Variants in BACH2 observed in about 807,000 individuals in gnomAD.
BACH2 encodes the protein transcription regulator protein BACH2.
BACH2 carries 5 observed loss-of-function variants against 61.8 expected under a neutral mutation model. The ratio of observed to expected loss-of-function variants is 0.08; its 90% confidence interval spans 0.04 to 0.17. The LOEUF is 0.17. Among genes scored for constraint, BACH2 ranks in the 10% least tolerant of loss-of-function variants. The probability of loss-of-function intolerance (pLI) is 1.00; values close to 1 mark genes in which losing one functional copy is unlikely to be tolerated. For missense variants in BACH2, 824 were observed against 1,091.1 expected, an observed-to-expected ratio of 0.76 and a Z score of 3.45; for synonymous variants, 446 against 440.1, an observed-to-expected ratio of 1.01 and a Z score of -0.17.
At chr6:90,111,017 TGA>T (rs1783144308) in intron 4 of BACH2, among the ~76,000 whole-genome samples, 1 of 152,222 alleles carries the variant, frequency 6.6e-6, no homozygotes, top group Non-Finnish European at 1.5e-5. Flanking sequence ...CATGTGCTGG[TGA>T]AGAACTAGCA....
In BACH2 at chr6:89,929,175, A is replaced by T. The variant is rs1224660711; in HGVS notation, c.*3233T>A. The T allele has an allele frequency of 6.6e-6, 1 of 152,408 alleles. No homozygotes were observed. Among genetic ancestry groups the T allele is most frequent in the Admixed American group, 6.5e-5 (1 of 15,280 alleles). 9.4% of individuals were successfully genotyped at this position (152,408 alleles called of 1,614,324 possible). Reference sequence around the variant, plus strand: ...TGGAGACCCAAGCAGGCATCCTCCTAAACAGCCCGTGGTTGGAGGGTCTCT... The same window carrying T: ...TGGAGACCCAAGCAGGCATCCTCCTTAACAGCCCGTGGTTGGAGGGTCTCT... On this transcript the variant is annotated 3_prime_UTR_variant, in exon 9 of 9. Transcript: ENST00000257749.
At chr6:89,985,963 G>A (rs1423738634) in intron 6 of BACH2, among the ~76,000 whole-genome samples, 2 of 152,242 alleles carry the variant, frequency 1.3e-5, no homozygotes, top group African/African-American at 4.8e-5. Context: ...TGTGGGGCTG[G>A]AGGGATGCGG....
chr6:89,992,760 C>T (rs1776647847), intron 6 of BACH2, among the ~76,000 whole-genome samples: 2 of 152,206 alleles, frequency 1.3e-5, no homozygotes, highest in Admixed American at 6.5e-5. Flanking sequence ...GATTGTGTGG[C>T]TGTATGTGGA....
chr6:89,971,990 G>A (rs1021237626), intron 6 of BACH2, among the ~76,000 whole-genome samples: 1 of 152,222 alleles, frequency 6.6e-6, no homozygotes, highest in Non-Finnish European at 1.5e-5. Context: ...GGTGACAAAT[G>A]AGCTGCAGCC....
chr6:89,962,704 C>T (rs1001904412), intron 6 of BACH2, among the ~76,000 whole-genome samples: 3 of 152,126 alleles, frequency 2.0e-5, no homozygotes, highest in African/African-American at 7.2e-5. Flanking sequence ...ATAATTTCTA[C>T]CTTTTTCTTG....
intron 5 of BACH2, among the ~76,000 whole-genome samples, chr6:90,063,516 G>C (rs1780793872): frequency 1.3e-5 from 2 of 152,086 alleles, no homozygotes; most frequent in African/African-American, 4.8e-5. Flanking sequence ...GAAAGAAAAA[G>C]GTGCACACTG....
chr6:90,166,172 T>A (rs1304620812), intron 4 of BACH2, among the ~76,000 whole-genome samples: 1 of 152,174 alleles, frequency 6.6e-6, no homozygotes, highest in Non-Finnish European at 1.5e-5. Context: ...GACAAAGGGC[T>A]AATATCCAGA....
Position 89,996,748 on chromosome 6 carries a change from C to T in BACH2, c.243+11854G>A, listed in dbSNP as rs139679688. 7.5e-4 allele frequency among the ~76,000 whole-genome samples: 114 copies of T among 152,272 alleles called. 1 individual carries two copies. Among genetic ancestry groups the T allele is most frequent in the African/African-American group, 2.7e-3 (111 of 41,558 alleles). On this transcript the variant is annotated intron_variant, in intron 6 of 8. Coordinates refer to ENST00000257749, the MANE Select transcript of BACH2 (RefSeq NM_021813.4). ...GTCCTTCCCTCCACCTGAACCTCTGCAGCACAAACAACTGCCAGTACCCTG... is the reference window on the plus strand; with the variant it reads ...GTCCTTCCCTCCACCTGAACCTCTGTAGCACAAACAACTGCCAGTACCCTG...
At chr6:90,145,544 T>G (rs948566652) in intron 4 of BACH2, among the ~76,000 whole-genome samples, 2 of 152,198 alleles carry the variant, frequency 1.3e-5, no homozygotes, top group Non-Finnish European at 2.9e-5. Flanking sequence ...GAGTTTAAAA[T>G]AGGATCAAAG....
At chr6:89,990,495 T>A (rs563289559) in intron 6 of BACH2, among the ~76,000 whole-genome samples, 1 of 152,218 alleles carries the variant, frequency 6.6e-6, no homozygotes, top group Admixed American at 6.5e-5. Flanking sequence ...TTTCTGCTTC[T>A]TCAGGCCAAA....
chr6:90,262,052 C>T lies in BACH2; in HGVS notation c.-352-9462G>A, dbSNP rs1771176681. Among the ~76,000 whole-genome samples, 5 of 152,186 alleles carry T rather than the reference C, an allele frequency of 3.3e-5. No homozygotes were observed. In the South Asian group the frequency reaches 1.0e-3, roughly 32 times the overall value. ...CACAAATTTCATCATGAAACCTCTG[C>T]ATTGAGATTCCTGAAGTTGTTCCCC... On this transcript the variant is annotated intron_variant, in intron 2 of 8. Coordinates refer to ENST00000257749, the MANE Select transcript of BACH2 (RefSeq NM_021813.4).
At chr6:90,199,169 T>C (rs1177144100) in intron 4 of BACH2, among the ~76,000 whole-genome samples, 2 of 152,208 alleles carry the variant, frequency 1.3e-5, no homozygotes, top group Admixed American at 1.3e-4. Flanking sequence ...GACTGCTTCT[T>C]GGAGAAGTAG....
intron 5 of BACH2, among the ~76,000 whole-genome samples, chr6:90,020,229 C>T (rs1183632791): frequency 2.0e-5 from 3 of 152,190 alleles, no homozygotes; most frequent in Non-Finnish European, 2.9e-5. Flanking sequence ...CAGCCCTTCT[C>T]AACCTCCAAT....
intron 4 of BACH2, among the ~76,000 whole-genome samples, chr6:90,133,915 C>T (rs372252373): frequency 6.6e-6 from 1 of 152,280 alleles, no homozygotes; most frequent in African/African-American, 2.4e-5. Flanking sequence ...TGTATATGTG[C>T]CACGTTTTCT....
At chr6:90,066,752 ATACATAAGGTCAAGGCCACCACTATAC>A (rs1171023852) in intron 5 of BACH2, among the ~76,000 whole-genome samples, 1 of 152,238 alleles carries the variant, frequency 6.6e-6, no homozygotes, top group Non-Finnish European at 1.5e-5. Context: ...TGGAACCAAG[ATACATAAGGTCAAGGCCACCACTATAC>A]TCATGGAGAA....
chr6:90,259,857 T>C (rs777110762), intron 2 of BACH2, among the ~76,000 whole-genome samples: 3 of 152,172 alleles, frequency 2.0e-5, no homozygotes, highest in Non-Finnish European at 4.4e-5. Flanking sequence ...TGGCATATAA[T>C]TGTTCGTAAT....
In BACH2 at chr6:90,060,731, T is replaced by C. The variant is rs976687309; in HGVS notation, c.-13+28230A>G. On this transcript the variant is annotated intron_variant, in intron 5 of 8. Transcript: ENST00000257749. ...TTTGAAAGCTCAAGATCCCAATCTGTGAAAAAAAACTAGAAGCCTAAATTA... is the reference window on the plus strand; with the variant it reads ...TTTGAAAGCTCAAGATCCCAATCTGCGAAAAAAAACTAGAAGCCTAAATTA... Among the ~76,000 whole-genome samples the C allele has an allele frequency of 5.3e-5, 8 of 152,092 alleles. 2 individuals are homozygous for C. The highest frequency in any genetic ancestry group is 5.2e-4 in the Admixed American group (8 of 15,272).
At chr6:90,044,055 A>G (rs534892874) in intron 5 of BACH2, among the ~76,000 whole-genome samples, 1 of 152,292 alleles carries the variant, frequency 6.6e-6, no homozygotes, top group East Asian at 1.9e-4. Context: ...GTACTGTTCT[A>G]GGTACCTGAG....
At chr6:89,939,766 G>C (rs1773298153) in intron 7 of BACH2, among the ~76,000 whole-genome samples, 1 of 139,828 alleles carries the variant, frequency 7.2e-6, no homozygotes, top group Non-Finnish European at 1.5e-5. Context: ...CTGGGCTCAA[G>C]CAATCCTCTT....
Sources: gnomAD v4.1 joint callset for allele counts (sites outside exome capture counted in the v4.1 genomes callset) on GRCh38, gnomAD v4.1.1 for gene constraint, MANE v1.5 for transcripts, NCBI Gene and HGNC (gene_info 2026-07-23, HGNC 2026-07-21) for gene names.